Variants in TMEM184B observed in about 807,000 individuals in gnomAD.
The protein encoded by TMEM184B is transmembrane protein 184B.
TMEM184B carries 17 observed loss-of-function variants against 41.8 expected under a neutral mutation model. That is an observed-to-expected ratio of 0.41 (90% CI 0.28 to 0.61). The LOEUF (loss-of-function observed/expected upper bound fraction) is 0.61, where lower values mean the gene tolerates loss of function less well. Ranked by LOEUF, TMEM184B falls within the 20% of genes least tolerant of loss-of-function variation. TMEM184B has a pLI of 0.34. For missense variants in TMEM184B, 393 were observed against 557.8 expected (o/e 0.70, Z 2.98); for synonymous variants, 240 against 229.5 (o/e 1.05, Z -0.41).
chr22:38,220,307 CAGCTGAACTAAGAGCCCCAGGG>C lies in TMEM184B; in HGVS notation c.*1140_*1161del. ...CACTGCAGGATCCTGCGAGTGCCAGCAGCTGAACTAAGAGCCCCAGGGAGCGTGTGGGACAGATGGGGAGCCA... is the reference window on the plus strand; with the variant it reads ...CACTGCAGGATCCTGCGAGTGCCAGCAGCGTGTGGGACAGATGGGGAGCCA... On this transcript the variant is annotated 3_prime_UTR_variant, in exon 9 of 9. Coordinates refer to ENST00000361906, the MANE Select transcript of TMEM184B (RefSeq NM_012264.5). The C allele has an allele frequency of 1.0e-6, 1 of 986,086 alleles. No individual in the cohort carries two copies. Among genetic ancestry groups the C allele is most frequent in the Non-Finnish European group, 1.2e-6 (1 of 830,134 alleles). 61.1% of individuals were successfully genotyped at this position (986,086 alleles called of 1,614,324 possible).
intron 1 of TMEM184B, among the ~76,000 whole-genome samples, chr22:38,268,372 C>A (rs1426809391): frequency 9.8e-6 from 1 of 102,468 alleles, no homozygotes; most frequent in African/African-American, 3.1e-5. Context: ...GAGACCCTGT[C>A]TCAAAAAAAA....
At chr22:38,230,648 G>A in intron 5 of TMEM184B, 21 bp downstream of exon 5, 3 of 1,603,012 alleles carry the variant, frequency 1.9e-6, no homozygotes, top group Non-Finnish European at 1.7e-6. Flanking sequence ...CCTGAGCTAG[G>A]CAGCTGCTGG....
Position 38,220,353 on chromosome 22 carries a change from C to T in TMEM184B, c.*1116G>A, listed in dbSNP as rs891832217. The stretch of plus-strand genomic sequence containing the variant: ...GGAGCGTGTGGGACAGATGGGGAGC[C>T]AGGGAGGGGCGCTTTCATATGTGAC... On this transcript the variant is annotated 3_prime_UTR_variant, in exon 9 of 9. Coordinates refer to ENST00000361906, the MANE Select transcript of TMEM184B (RefSeq NM_012264.5). 1.0e-6 allele frequency: 1 copy of T among 986,010 alleles called. No individual in the cohort carries two copies. Among genetic ancestry groups the T allele is most frequent in the Admixed American group, 6.1e-5 (1 of 16,270 alleles). The allele number at this position is 986,010 out of a possible 1,614,324, so 61.1% of individuals were successfully genotyped here. A position where few individuals can be genotyped will look rare whatever the true frequency, so the allele number is the denominator to read the frequency against.
chr22:38,248,131 C>G, intron 1 of TMEM184B, 112 bp from the exon 2 acceptor site: 1 of 1,367,346 alleles, frequency 7.3e-7, no homozygotes. Context: ...TTGACCCCAA[C>G]CATCACCCTG....
intron 8 of TMEM184B, chr22:38,223,849 C>G (rs762147642): frequency 1.3e-5 from 2 of 152,550 alleles, no homozygotes; most frequent in African/African-American, 4.8e-5. Flanking sequence ...TGGAGCGTCC[C>G]GGGCAGCAGC....
intron 1 of TMEM184B, among the ~76,000 whole-genome samples, chr22:38,265,911 C>T (rs1602502769): frequency 6.6e-6 from 1 of 152,322 alleles, no homozygotes; most frequent in African/African-American, 2.4e-5. Context: ...TGGGGAACAG[C>T]CCTGCTGAGT....
chr22:38,229,250 G>A (rs1053033883), intron 5 of TMEM184B, among the ~76,000 whole-genome samples: 2 of 152,224 alleles, frequency 1.3e-5, no homozygotes, highest in Non-Finnish European at 2.9e-5. Context: ...GAGCCCCTAC[G>A]GAGCCCCAGA....
At chr22:38,228,107 G>A (rs1286705298) in intron 5 of TMEM184B, among the ~76,000 whole-genome samples, 2 of 152,160 alleles carry the variant, frequency 1.3e-5, no homozygotes, top group African/African-American at 4.8e-5. Flanking sequence ...GGAGCCCCAG[G>A]CAGCCCACAC....
chr22:38,264,560 G>T (rs7290882), intron 1 of TMEM184B, among the ~76,000 whole-genome samples: 1 of 151,996 alleles, frequency 6.6e-6, no homozygotes, highest in African/African-American at 2.4e-5. Flanking sequence ...CATTCACTCA[G>T]CTGGCTCTGC....
chr22:38,222,621 C>T, intron 8 of TMEM184B: 1 of 985,440 alleles, frequency 1.0e-6, no homozygotes, highest in Non-Finnish European at 1.2e-6. Context: ...GACAGACATG[C>T]AGACCAAGAG....
rs1440847258 is a variant in TMEM184B, at chr22:38,226,920, T to C, written c.526-50A>G. On this transcript the variant is annotated intron_variant, in intron 5 of 8. Coordinates refer to ENST00000361906, the MANE Select transcript of TMEM184B (RefSeq NM_012264.5). The surrounding 1 kb of genome is among the most constrained non-coding windows in gnomAD (Gnocchi z 4.6). Reference sequence around the variant, plus strand: ...GTGTGGAGGAGGAGCACAGAAGGCATGAAGCAAGCCCTGCCTCTGGCAGAC... The same window carrying C: ...GTGTGGAGGAGGAGCACAGAAGGCACGAAGCAAGCCCTGCCTCTGGCAGAC... 1 of 1,534,994 alleles carries C rather than the reference T, an allele frequency of 6.5e-7. No homozygotes were observed. The highest frequency in any genetic ancestry group is 2.4e-5 in the East Asian group (1 of 41,088).
In TMEM184B at chr22:38,224,272, G is replaced by A. The variant is rs1043863806; in HGVS notation, c.982+513C>T. Among the ~76,000 whole-genome samples the A allele has an allele frequency of 1.6e-4, 25 of 152,130 alleles. 1 individual carries two copies. Among genetic ancestry groups the A allele is most frequent in the Middle Eastern group, 3.4e-3 (1 of 294 alleles). ...TCGGACTACAAGCACCCGCCACCAC[G>A]CCCGGCTAATTTTTTGTATTTTTAG... On this transcript the variant is annotated intron_variant, in intron 8 of 8. Transcript: ENST00000361906.
Position 38,221,652 on chromosome 22 carries a change from G to T in TMEM184B, c.1041C>A (p.His347Gln). 1 of 1,614,146 alleles carries T rather than the reference G, an allele frequency of 6.2e-7. No homozygotes were observed. The highest frequency in any genetic ancestry group is 8.5e-7 in the Non-Finnish European group (1 of 1,180,002). The change falls in exon 9 of 9, where the codon CAC becomes CAA. Residue 347 changes from histidine to glutamine, a missense_variant. Transcript: ENST00000361906. ...SSSLKETMNP[H>Q]DIVQDAIHNF... Reference sequence around the variant, plus strand: ...TGTGGATGGCGTCCTGCACGATGTCGTGCGGGTTCATGGTCTCCTTGAGGC... The same window carrying T: ...TGTGGATGGCGTCCTGCACGATGTCTTGCGGGTTCATGGTCTCCTTGAGGC...
intron 3 of TMEM184B, among the ~76,000 whole-genome samples, chr22:38,233,884 C>T (rs1375421442): frequency 6.6e-6 from 1 of 152,132 alleles, no homozygotes; most frequent in Non-Finnish European, 1.5e-5. Context: ...GTTCTCCTGT[C>T]TCAGCCTCTG....
chr22:38,218,111 GA>G (rs1219570691), downstream of TMEM184B, among the ~76,000 whole-genome samples: 2 of 152,186 alleles, frequency 1.3e-5, no homozygotes, highest in African/African-American at 4.8e-5. Context: ...CAGCCAAGTG[GA>G]AACTATCTTC....
chr22:38,254,004 C>T (rs1293365248), intron 1 of TMEM184B, among the ~76,000 whole-genome samples: 1 of 152,114 alleles, frequency 6.6e-6, no homozygotes, highest in Non-Finnish European at 1.5e-5. Context: ...AGTTCGAGAT[C>T]AGCCTGGCCA....
rs529706460 is a variant in TMEM184B at position 38,240,229 on chromosome 22, G to A, written c.358+5706C>T. Among the ~76,000 whole-genome samples the A allele has an allele frequency of 4.6e-5, 7 of 152,168 alleles. No individual in the cohort carries two copies. In the East Asian group the frequency reaches 1.4e-3, roughly 29 times the overall value. ...GATAGAGACAATGTAGGGAACAGAA[G>A]AAAACTGCAATGACCATCCCCAGAG... On this transcript the variant is annotated intron_variant, in intron 3 of 8. Transcript: ENST00000361906.
intron 5 of TMEM184B, among the ~76,000 whole-genome samples, chr22:38,228,101 C>T (rs1015242700): frequency 1.3e-5 from 2 of 152,114 alleles, no homozygotes; most frequent in Admixed American, 1.3e-4. Flanking sequence ...TGCAGGGGAG[C>T]CCCAGGCAGC....
At chr22:38,235,608 A>G (rs1432306842) in intron 3 of TMEM184B, among the ~76,000 whole-genome samples, 1 of 152,188 alleles carries the variant, frequency 6.6e-6, no homozygotes. Context: ...ATCATTAGTG[A>G]GTCGATAATG....
Sources: allele counts gnomAD v4.1 joint callset (sites outside exome capture counted in the v4.1 genomes callset), GRCh38; gene constraint gnomAD v4.1.1; non-coding constraint Gnocchi (gnomAD v3.1); transcripts MANE v1.5; gene names NCBI Gene and HGNC (gene_info 2026-07-23, HGNC 2026-07-21).